The following PTPRA variants were observed in gnomAD, a reference collection of about 807,000 sequenced individuals.
The protein encoded by PTPRA is protein tyrosine phosphatase receptor type A.
Under a neutral mutation model 104.8 loss-of-function variants are expected in PTPRA, and 25 were observed. That is an observed-to-expected ratio of 0.24 (90% CI 0.17 to 0.33). PTPRA has a LOEUF of 0.33. Among genes scored for constraint, PTPRA ranks in the 10% least tolerant of loss-of-function variants. PTPRA has a pLI of 1.00. For missense variants in PTPRA, 765 were observed against 1,015.3 expected (o/e 0.75, Z 3.35); for synonymous variants, 323 against 368.9 (o/e 0.88, Z 1.43).
At chr20:2,910,589 G>GTTTTTTTTTTTTTTTTTTTTT (rs1423909050) in intron 1 of PTPRA, among the ~76,000 whole-genome samples, 15 of 57,986 alleles carry the variant, frequency 2.6e-4, no homozygotes, top group Admixed American at 6.4e-4. Context: ...TTTTTTTTTT[G>GTTTTTTTTTTTTTTTTTTTTT]TTTTTTTTTT....
chr20:2,910,332 ATAAT>A (rs1372904910), intron 1 of PTPRA, among the ~76,000 whole-genome samples: 3 of 126,574 alleles, frequency 2.4e-5, no homozygotes, highest in Non-Finnish European at 4.9e-5. Context: ...TATTTTATAT[ATAAT>A]ATATTTTGTA....
chr20:2,908,026 G>T (rs2059489681), intron 1 of PTPRA, among the ~76,000 whole-genome samples: 1 of 151,990 alleles, frequency 6.6e-6, no homozygotes, highest in African/African-American at 2.4e-5. Context: ...CATTTCTTCA[G>T]CTTCTTCATG....
chr20:2,864,230 A>G, the PTPRA span: 4 of 1,614,050 alleles, frequency 2.5e-6, no homozygotes, highest in Non-Finnish European at 3.4e-6. The surrounding 1 kb of genome is among the most constrained non-coding windows in gnomAD (Gnocchi z 5.2). Flanking sequence ...TCTCCTAAAG[A>G]TGAAGAGGAG....
chr20:2,953,513 G>A (rs1420569563), intron 3 of PTPRA, among the ~76,000 whole-genome samples: 18 of 151,878 alleles, frequency 1.2e-4, no homozygotes, highest in Admixed American at 1.1e-3. Flanking sequence ...TCAGCCTCCC[G>A]AAGTGCTGGG....
At chr20:3,001,071 A>G (rs1472712211) in intron 9 of PTPRA, among the ~76,000 whole-genome samples, 1 of 152,258 alleles carries the variant, frequency 6.6e-6, no homozygotes, top group African/African-American at 2.4e-5. Flanking sequence ...TTAAGGCTTA[A>G]ACAAGAGATG....
intron 2 of PTPRA, among the ~76,000 whole-genome samples, chr20:2,933,940 A>G (rs550327829): frequency 1.3e-5 from 2 of 152,166 alleles, no homozygotes; most frequent in African/African-American, 2.4e-5. Flanking sequence ...AATATTTTCA[A>G]ATGTTTTCTT....
At chr20:2,958,451 G>T (rs1240893947) in intron 3 of PTPRA, among the ~76,000 whole-genome samples, 1 of 151,964 alleles carries the variant, frequency 6.6e-6, no homozygotes, top group Non-Finnish European at 1.5e-5. Flanking sequence ...TAGCAGGCCT[G>T]GGGGACAGGA....
intron 1 of PTPRA, among the ~76,000 whole-genome samples, chr20:2,886,572 C>T (rs1428202271): frequency 2.0e-5 from 3 of 151,762 alleles, no homozygotes; most frequent in Admixed American, 6.6e-5. Flanking sequence ...TGGCCAGGCA[C>T]GGTGACTCAC....
chr20:3,017,306 A>T (rs1218870737), intron 12 of PTPRA, among the ~76,000 whole-genome samples: 1 of 152,084 alleles, frequency 6.6e-6, no homozygotes, highest in African/African-American at 2.4e-5. Flanking sequence ...GTTGGATCTC[A>T]TTTATTTTCC....
At chr20:2,932,835 G>A (rs2060557113) in intron 2 of PTPRA, among the ~76,000 whole-genome samples, 1 of 152,202 alleles carries the variant, frequency 6.6e-6, no homozygotes, top group African/African-American at 2.4e-5. Context: ...GTAGATTAGG[G>A]AGTTGTAGGC....
At chr20:2,882,747 A>G (rs759183264) in intron 1 of PTPRA, among the ~76,000 whole-genome samples, 15 of 152,220 alleles carry the variant, frequency 9.9e-5, no homozygotes, top group Non-Finnish European at 1.9e-4. Flanking sequence ...AATAGACTGA[A>G]TGTAAATTAA....
At chr20:3,036,235 G>A (rs1600295583) in intron 22 of PTPRA, among the ~76,000 whole-genome samples, 1 of 152,196 alleles carries the variant, frequency 6.6e-6, no homozygotes, top group African/African-American at 2.4e-5. Flanking sequence ...TGAAAGAGAA[G>A]AGGAGTCAAG....
intron 7 of PTPRA, 26 bp from the exon 8 acceptor site, chr20:2,988,006 C>T (rs2062980474): frequency 6.5e-7 from 1 of 1,526,848 alleles, no homozygotes; most frequent in Non-Finnish European, 9.1e-7. Context: ...GTGCTCCATT[C>T]TTCACTGTGA....
chr20:2,870,737 T>A (rs2089418098), upstream of PTPRA, among the ~76,000 whole-genome samples: 1 of 152,206 alleles, frequency 6.6e-6, no homozygotes, highest in Non-Finnish European at 1.5e-5. Context: ...GCTCTCCTGA[T>A]CCTCTCCTTT....
chr20:2,902,443 G>A (rs1303647882), intron 1 of PTPRA, among the ~76,000 whole-genome samples: 3 of 152,070 alleles, frequency 2.0e-5, no homozygotes, highest in African/African-American at 7.2e-5. Context: ...TCTTATGCTG[G>A]TCCCAGATTG....
intron 9 of PTPRA, among the ~76,000 whole-genome samples, chr20:2,995,657 A>T (rs2063368812): frequency 1.3e-5 from 2 of 152,214 alleles, no homozygotes; most frequent in African/African-American, 4.8e-5. Flanking sequence ...CCCAGGAAAG[A>T]TGTGAATTCT....
intron 10 of PTPRA, among the ~76,000 whole-genome samples, chr20:3,006,609 A>G (rs1271472946): frequency 6.6e-6 from 1 of 152,200 alleles, no homozygotes; most frequent in Admixed American, 6.5e-5. Flanking sequence ...AATTAGGACC[A>G]CTACACTATG....
rs1360895822 is a variant in PTPRA, at chr20:2,929,816, C to A, written c.-50+6531C>A. On this transcript the variant is annotated intron_variant, in intron 2 of 23. Coordinates refer to ENST00000399903, the MANE Select transcript of PTPRA (RefSeq NM_001385305.1). ...CTCCAGCCTGAGTAACAGAACAAGA[C>A]CCTGTCTCAAAGAAAGGAAAAAAAA... Among the ~76,000 whole-genome samples the A allele has an allele frequency of 2.6e-5, 4 of 151,950 alleles. No homozygotes were observed. In the East Asian group the frequency reaches 7.8e-4, roughly 29 times the overall value.
chr20:2,886,067 TAAA>T (rs1438148387), intron 1 of PTPRA, among the ~76,000 whole-genome samples: 1 of 151,964 alleles, frequency 6.6e-6, no homozygotes, highest in East Asian at 1.9e-4. Context: ...TTGGAAAAAA[TAAA>T]AAAGACTTGA....
Sources: allele counts gnomAD v4.1 joint callset (sites outside exome capture counted in the v4.1 genomes callset), GRCh38; gene constraint gnomAD v4.1.1; non-coding constraint Gnocchi (gnomAD v3.1); transcripts MANE v1.5; gene names NCBI Gene and HGNC (gene_info 2026-07-23, HGNC 2026-07-21).